TFCP2: variants seen among roughly 807,000 people sequenced by gnomAD.
TFCP2 encodes the protein transcription factor CP2, also known as alpha-globin transcription factor CP2.
In TFCP2, 33 loss-of-function variants were observed where a neutral mutation model predicts 73.4. The ratio of observed to expected loss-of-function variants is 0.45; its 90% CI spans 0.34 to 0.60. The LOEUF is 0.60. Ranked by LOEUF, TFCP2 falls within the 20% of genes least tolerant of loss-of-function variation. The pLI is 0.01. For synonymous variants in TFCP2, 193 were observed against 211.6 expected (o/e 0.91, Z 0.76); for missense variants, 352 against 604.0 (o/e 0.58, Z 4.37).
chr12:51,112,023 T>C (rs1016270111), intron 4 of TFCP2, among the ~76,000 whole-genome samples: 2 of 151,586 alleles, frequency 1.3e-5, no homozygotes, highest in Non-Finnish European at 2.9e-5. Flanking sequence ...CCAGGCATGG[T>C]AGTGGGCATC....
At chr12:51,172,272 G>A (rs1941877096) in intron 1 of TFCP2, 29 bp downstream of exon 1, 3 of 1,613,246 alleles carry the variant, frequency 1.9e-6, no homozygotes, top group Non-Finnish European at 2.5e-6. Flanking sequence ...TTATTCAGAA[G>A]GTGTAGGGTC....
At chr12:51,123,927 C>T (rs12819517) in intron 1 of TFCP2, among the ~76,000 whole-genome samples, 23,972 of 152,168 alleles carry the variant, frequency 0.16, 2,256 homozygotes, top group South Asian at 0.26. Flanking sequence ...ATCGCTAAAC[C>T]TAAACTAAGC....
chr12:51,137,733 C>G (rs1334006788), intron 1 of TFCP2, among the ~76,000 whole-genome samples: 2 of 152,150 alleles, frequency 1.3e-5, no homozygotes, highest in African/African-American at 4.8e-5. Flanking sequence ...TATTTTGATA[C>G]AGAAAATAGA....
At chr12:51,112,684 T>C (rs897146887) in intron 4 of TFCP2, among the ~76,000 whole-genome samples, 1 of 152,022 alleles carries the variant, frequency 6.6e-6, no homozygotes, top group African/African-American at 2.4e-5. Flanking sequence ...CTGGCCAACA[T>C]GGTGAAAACT....
At chr12:51,147,545 G>A (rs1040630248) in intron 1 of TFCP2, among the ~76,000 whole-genome samples, 2 of 151,964 alleles carry the variant, frequency 1.3e-5, no homozygotes, top group African/African-American at 4.8e-5. Context: ...GGGAAAGAGA[G>A]AAGGTGACAA....
At position 51,172,349 on chromosome 12, in the gene TFCP2, C is replaced by T; in HGVS notation, c.74G>A (p.Ser25Asn). Residue 25 changes from serine (S) to asparagine (N), a missense_variant, in exon 1 of 15, where the codon AGC (serine) becomes AAC (asparagine). By Grantham distance (46) the Ser-to-Asn change is conservative. Coordinates refer to ENST00000257915, the MANE Select transcript of TFCP2 (RefSeq NM_005653.5). ...ESGLVQDFDA[S>N]LSGIGQELGA... ...CAGTTCCTGGCCGATCCCGGACAGG[C>T]TAGCATCAAAGTCCTGCACCAACCC... 1.9e-6 allele frequency: 3 copies of T among 1,614,180 alleles called. No homozygotes were observed. The highest frequency in any genetic ancestry group is 2.5e-6 in the Non-Finnish European group (3 of 1,180,032).
At chr12:51,166,429 G>A (rs1166159415) in intron 1 of TFCP2, among the ~76,000 whole-genome samples, 1 of 152,028 alleles carries the variant, frequency 6.6e-6, no homozygotes, top group East Asian at 1.9e-4. Flanking sequence ...AAAAAAAGAT[G>A]ACATCTCTGA....
chr12:51,155,987 A>G (rs1307753928), intron 1 of TFCP2, among the ~76,000 whole-genome samples: 2 of 151,064 alleles, frequency 1.3e-5, no homozygotes, highest in African/African-American at 2.4e-5. Context: ...GGCTGCAGTG[A>G]GCCAAGATTG....
chr12:51,111,988 C>T (rs1450892550), intron 4 of TFCP2, among the ~76,000 whole-genome samples: 1 of 152,114 alleles, frequency 6.6e-6, no homozygotes, highest in Admixed American at 6.6e-5. Context: ...GAAACCCCGT[C>T]TCTACTAAAA....
intron 1 of TFCP2, among the ~76,000 whole-genome samples, chr12:51,131,571 T>A (rs1183471114): frequency 6.6e-6 from 1 of 152,192 alleles, no homozygotes; most frequent in Non-Finnish European, 1.5e-5. Flanking sequence ...AGATGAACTA[T>A]GCTCTCAGTA....
intron 14 of TFCP2, 105 bp from the exon 15 acceptor site, chr12:51,095,383 G>A: frequency 1.6e-6 from 2 of 1,269,462 alleles, no homozygotes; most frequent in Non-Finnish European, 2.3e-6. Flanking sequence ...GAAAAGGGAG[G>A]TGGAGGTTGC....
chr12:51,108,135 A>T (rs556302627), intron 6 of TFCP2, among the ~76,000 whole-genome samples: 1 of 151,644 alleles, frequency 6.6e-6, no homozygotes, highest in East Asian at 2.0e-4. Flanking sequence ...AAATACAAAA[A>T]ATTAGCTGGG....
chr12:51,095,726 A>G (rs1939943938), intron 14 of TFCP2, among the ~76,000 whole-genome samples: 1 of 148,866 alleles, frequency 6.7e-6, no homozygotes, highest in Non-Finnish European at 1.5e-5. Flanking sequence ...AGGGAGGAGA[A>G]TCACTTGAAC....
intron 1 of TFCP2, among the ~76,000 whole-genome samples, chr12:51,149,782 G>A (rs1393191493): frequency 6.6e-6 from 1 of 152,002 alleles, no homozygotes; most frequent in African/African-American, 2.4e-5. Context: ...TGCATTTTTA[G>A]TAGAGACGGG....
At chr12:51,106,882 G>A in intron 7 of TFCP2, 2 of 489,544 alleles carry the variant, frequency 4.1e-6, no homozygotes, top group South Asian at 2.3e-5. Context: ...AGAACCAAAG[G>A]CAGCACACAG....
At chr12:51,127,348 A>C (rs952806162) in intron 1 of TFCP2, among the ~76,000 whole-genome samples, 5 of 152,224 alleles carry the variant, frequency 3.3e-5, no homozygotes, top group African/African-American at 1.2e-4. Flanking sequence ...AATTCTGGCA[A>C]TCTCACATTA....
chr12:51,122,253 C>CTTTTTTTTTTTTTTTTTTTTT (rs11347975), intron 1 of TFCP2, among the ~76,000 whole-genome samples: 11 of 73,140 alleles, frequency 1.5e-4, no homozygotes, highest in East Asian at 3.4e-4. Context: ...TTTTTCTTTT[C>CTTTTTTTTTTTTTTTTTTTTT]TTTTTTTTTT....
rs201742634 is a variant in TFCP2, at chr12:51,125,925, G to A, written c.123-7153C>T. The stretch of plus-strand genomic sequence containing the variant: ...ATCCTGGTCAACATGGTGAAACCCC[G>A]CCTCTACTAAAAATGCAAAAATTGG... On this transcript the variant is annotated intron_variant, in intron 1 of 14. Coordinates refer to ENST00000257915, the MANE Select transcript of TFCP2 (RefSeq NM_005653.5). Among the ~76,000 whole-genome samples the A allele has an allele frequency of 1.9e-4, 29 of 151,436 alleles. 1 individual carries two copies. In the East Asian group the frequency reaches 4.3e-3, roughly 22 times the overall value.
intron 14 of TFCP2, 134 bp downstream of exon 14, chr12:51,095,855 C>T (rs78382530): frequency 0.1 from 27,521 of 266,960 alleles, 1,329 homozygotes; most frequent in Non-Finnish European, 0.14. Context: ...AAAAAAGGAA[C>T]AATCTCTAAT....
Sources: allele counts gnomAD v4.1 joint callset (sites outside exome capture counted in the v4.1 genomes callset), GRCh38; gene constraint gnomAD v4.1.1; transcripts MANE v1.5; gene names NCBI Gene and HGNC (gene_info 2026-07-23, HGNC 2026-07-21).